Variants in KHDRBS2 observed in about 807,000 individuals in gnomAD.
The protein encoded by KHDRBS2 is KH domain-containing, RNA-binding, signal transduction-associated protein 2.
In KHDRBS2, 26 loss-of-function variants were observed where a neutral mutation model predicts 44.3. The ratio of observed to expected loss-of-function variants is 0.59; its 90% CI spans 0.43 to 0.81. The LOEUF is 0.81. KHDRBS2 is among the 40% of genes least tolerant of loss of function. The pLI is 0.00. For synonymous variants in KHDRBS2, 194 were observed against 151.1 expected (o/e 1.28, Z -2.08); for missense variants, 476 against 433.1 (o/e 1.10, Z -0.88).
At chr6:61,667,518 T>C in the KHDRBS2 span, among the ~76,000 whole-genome samples, 2 of 151,320 alleles carry the variant, frequency 1.3e-5, no homozygotes, top group Non-Finnish European at 3.0e-5. Flanking sequence ...TGGACCAATA[T>C]ACCAGTTAAG....
intron 2 of KHDRBS2, among the ~76,000 whole-genome samples, chr6:62,154,741 A>T (rs1815992609): frequency 6.6e-6 from 1 of 152,224 alleles, no homozygotes; most frequent in Non-Finnish European, 1.5e-5. Flanking sequence ...CAGCTGAAGG[A>T]ACACCATATT....
chr6:62,002,178 C>A (rs1186161781), intron 3 of KHDRBS2, among the ~76,000 whole-genome samples: 4 of 122,852 alleles, frequency 3.3e-5, no homozygotes, highest in Non-Finnish European at 7.3e-5. Flanking sequence ...AGCATAATCA[C>A]CACAGTGATT....
chr6:61,862,505 T>G (rs1797139747), intron 6 of KHDRBS2, among the ~76,000 whole-genome samples: 4 of 152,138 alleles, frequency 2.6e-5, no homozygotes, highest in African/African-American at 9.7e-5. Context: ...CAATACCTAG[T>G]TAATTGAGAA....
intron 4 of KHDRBS2, among the ~76,000 whole-genome samples, chr6:61,942,904 G>T (rs185189472): frequency 8.1e-4 from 121 of 149,852 alleles, no homozygotes; most frequent in Non-Finnish European, 1.4e-3. Flanking sequence ...GGCCATGAGA[G>T]AATGGGAAGA....
chr6:61,765,500 C>A (rs1308376582), intron 6 of KHDRBS2, among the ~76,000 whole-genome samples: 1 of 151,762 alleles, frequency 6.6e-6, no homozygotes, highest in Non-Finnish European at 1.5e-5. Flanking sequence ...AATAAAGGAT[C>A]CTACATTCTT....
chr6:61,547,893 T>C, the KHDRBS2 span, among the ~76,000 whole-genome samples: 1 of 152,148 alleles, frequency 6.6e-6, no homozygotes, highest in African/African-American at 2.4e-5. Flanking sequence ...GTAAATTATG[T>C]TGGCCTTTAT....
intron 4 of KHDRBS2, among the ~76,000 whole-genome samples, chr6:61,909,270 T>C (rs1410446689): frequency 2.0e-5 from 3 of 152,038 alleles, no homozygotes; most frequent in Non-Finnish European, 4.4e-5. Flanking sequence ...GGTTTTGCCA[T>C]GTTGCCCAGG....
the KHDRBS2 span, among the ~76,000 whole-genome samples, chr6:61,643,634 C>T: frequency 1.3e-5 from 2 of 151,998 alleles, no homozygotes; most frequent in Non-Finnish European, 2.9e-5. Flanking sequence ...AATCAATGTA[C>T]AAAAATCAAT....
intron 6 of KHDRBS2, among the ~76,000 whole-genome samples, chr6:61,817,766 A>G (rs1582994454): frequency 2.0e-5 from 3 of 151,810 alleles, no homozygotes; most frequent in South Asian, 2.1e-4. Context: ...TTGGTGCATA[A>G]TAAGTATAGC....
chr6:62,177,337 A>G (rs748476951), intron 1 of KHDRBS2, 25 bp from the exon 2 acceptor site: 2 of 1,561,594 alleles, frequency 1.3e-6, no homozygotes, highest in South Asian at 2.3e-5. Context: ...CAAGAAGAAA[A>G]CAAGTGAAAT....
chr6:62,219,723 C>A (rs886901050), intron 1 of KHDRBS2, among the ~76,000 whole-genome samples: 1 of 150,210 alleles, frequency 6.7e-6, no homozygotes, highest in Non-Finnish European at 1.5e-5. Context: ...AGGAGACACA[C>A]ACTGAAGTAT....
At chr6:61,805,284 C>A (rs1237519105) in intron 6 of KHDRBS2, among the ~76,000 whole-genome samples, 1 of 152,118 alleles carries the variant, frequency 6.6e-6, no homozygotes, top group Non-Finnish European at 1.5e-5. Flanking sequence ...TTATTCCAGT[C>A]CCCAAGTTCC....
At chr6:62,085,140 G>C (rs755194457) in intron 2 of KHDRBS2, among the ~76,000 whole-genome samples, 2 of 152,066 alleles carry the variant, frequency 1.3e-5, no homozygotes, top group Non-Finnish European at 2.9e-5. Flanking sequence ...ATTAAGAACT[G>C]ATTATATTTG....
chr6:61,699,213 C>T (rs1768279510), intron 7 of KHDRBS2, among the ~76,000 whole-genome samples: 1 of 151,926 alleles, frequency 6.6e-6, no homozygotes, highest in Non-Finnish European at 1.5e-5. Context: ...GAAGCCCAGA[C>T]ACCATTTAAT....
At chr6:61,574,801 T>A in the KHDRBS2 span, among the ~76,000 whole-genome samples, 1 of 151,934 alleles carries the variant, frequency 6.6e-6, no homozygotes, top group Non-Finnish European at 1.5e-5. Context: ...CCCAGCTGCT[T>A]TGGAGGCTGA....
chr6:61,793,000 A>G (rs1784836297), intron 6 of KHDRBS2, among the ~76,000 whole-genome samples: 2 of 151,856 alleles, frequency 1.3e-5, no homozygotes, highest in African/African-American at 4.8e-5. Flanking sequence ...GGTTTCCTCC[A>G]CTCAATATCA....
At chr6:61,677,573 TG>T (rs1256285595), downstream of KHDRBS2, among the ~76,000 whole-genome samples, 1 of 151,956 alleles carries the variant, frequency 6.6e-6, no homozygotes, top group Non-Finnish European at 1.5e-5. Context: ...AGGTTTATCT[TG>T]TCTTACGGGG....
At chr6:61,554,638 G>A in the KHDRBS2 span, among the ~76,000 whole-genome samples, 1 of 152,082 alleles carries the variant, frequency 6.6e-6, no homozygotes, top group Admixed American at 6.6e-5. Context: ...TTTTGTCGTG[G>A]CTTGTAACTG....
intron 1 of KHDRBS2, among the ~76,000 whole-genome samples, chr6:62,202,397 T>G (rs1265579484): frequency 6.6e-6 from 1 of 152,092 alleles, no homozygotes; most frequent in African/African-American, 2.4e-5. Context: ...TGCTCAATTT[T>G]CCCAGTTTCC....
Sources: gnomAD v4.1 joint callset for allele counts (sites outside exome capture counted in the v4.1 genomes callset) on GRCh38, gnomAD v4.1.1 for gene constraint, MANE v1.5 for transcripts, NCBI Gene and HGNC (gene_info 2026-07-23, HGNC 2026-07-21) for gene names.